HECTD2: variants seen among roughly 807,000 people sequenced by gnomAD.
HECTD2 encodes probable E3 ubiquitin-protein ligase HECTD2.
In HECTD2, 35 loss-of-function variants were observed where a neutral mutation model predicts 103.2. The observed-to-expected ratio is 0.34, with a 90% confidence interval of 0.26 to 0.45. The LOEUF (loss-of-function observed/expected upper bound fraction) is 0.45. Among genes scored for constraint, HECTD2 ranks in the 20% least tolerant of loss-of-function variants. HECTD2 has a pLI of 1.00. For missense variants in HECTD2, 596 were observed against 937.4 expected, an observed-to-expected ratio of 0.64 and a Z score of 4.76; for synonymous variants, 281 against 329.9, an observed-to-expected ratio of 0.85 and a Z score of 1.61.
intron 14 of HECTD2, among the ~76,000 whole-genome samples, chr10:91,494,765 A>C (rs138219455): frequency 1.3e-5 from 2 of 152,172 alleles, no homozygotes; most frequent in African/African-American, 4.8e-5. Flanking sequence ...TCTTCATTGA[A>C]GGGCCTAATC....
intron 20 of HECTD2, among the ~76,000 whole-genome samples, chr10:91,508,742 A>T (rs888678512): frequency 1.3e-5 from 2 of 150,898 alleles, no homozygotes; most frequent in Admixed American, 6.6e-5. Flanking sequence ...TAGAACTAGA[A>T]ATACCATTTG....
chr10:91,507,610 G>T (rs1219232438), intron 20 of HECTD2, among the ~76,000 whole-genome samples: 1 of 149,770 alleles, frequency 6.7e-6, no homozygotes, highest in Non-Finnish European at 1.5e-5. Context: ...CGCTGCTCAA[G>T]GAAATAAAAG....
intron 1 of HECTD2, among the ~76,000 whole-genome samples, chr10:91,419,589 G>A (rs1268921070): frequency 6.6e-6 from 1 of 152,100 alleles, no homozygotes; most frequent in Non-Finnish European, 1.5e-5. Context: ...AACGTTTATT[G>A]AATTCGAGTT....
chr10:91,486,025 A>C (rs1846254313), intron 10 of HECTD2: 1 of 152,160 alleles, frequency 6.6e-6, no homozygotes, highest in Non-Finnish European at 1.5e-5. Flanking sequence ...TAAACTAGCA[A>C]GACTATTCCA....
intron 1 of HECTD2, among the ~76,000 whole-genome samples, chr10:91,423,297 A>G (rs186499376): frequency 1.0e-3 from 156 of 152,244 alleles, no homozygotes; most frequent in Non-Finnish European, 1.8e-3. Context: ...TGGAAATTCA[A>G]TTTCCCCATC....
chr10:91,467,069 G>A (rs1350940263), intron 5 of HECTD2, among the ~76,000 whole-genome samples: 1 of 152,020 alleles, frequency 6.6e-6, no homozygotes, highest in Non-Finnish European at 1.5e-5. Flanking sequence ...CACAGAAGCT[G>A]AGCTGAAGGG....
chr10:91,500,395 A>C, intron 18 of HECTD2, 107 bp from the exon 19 acceptor site: 1 of 387,086 alleles, frequency 2.6e-6, no homozygotes. Context: ...GGTTTGATTT[A>C]CTATGAGAAA....
At chr10:91,484,270 A>G (rs1465176338) in intron 8 of HECTD2, 2 of 947,602 alleles carry the variant, frequency 2.1e-6, no homozygotes, top group East Asian at 2.7e-5. Flanking sequence ...GAATATTGAA[A>G]GTCTTTAAAA....
At chr10:91,457,413 T>C (rs912727033) in intron 2 of HECTD2, among the ~76,000 whole-genome samples, 2 of 152,024 alleles carry the variant, frequency 1.3e-5, no homozygotes, top group Non-Finnish European at 2.9e-5. Context: ...GCAGAAGTCC[T>C]TGACAAAATA....
intron 5 of HECTD2, among the ~76,000 whole-genome samples, chr10:91,465,022 T>G (rs1417309254): frequency 2.0e-5 from 3 of 152,254 alleles, no homozygotes; most frequent in East Asian, 3.8e-4. Context: ...CATAGTAGTT[T>G]AACTATATAA....
At chr10:91,477,970 A>G (rs1346666926) in intron 5 of HECTD2, among the ~76,000 whole-genome samples, 1 of 152,138 alleles carries the variant, frequency 6.6e-6, no homozygotes, top group East Asian at 1.9e-4. Context: ...CCACCACCAT[A>G]TATGTTTGTG....
At chr10:91,437,079 A>C (rs751277265) in intron 2 of HECTD2, among the ~76,000 whole-genome samples, 7 of 152,064 alleles carry the variant, frequency 4.6e-5, no homozygotes, top group Non-Finnish European at 1.0e-4. Context: ...CTGTTTATAC[A>C]TGTTCCAGTA....
Position 91,481,117 on chromosome 10 carries a change from G to C in HECTD2, c.689G>C (p.Arg230Thr). 1 of 1,528,676 alleles carries C rather than the reference G, an allele frequency of 6.5e-7. No individual in the cohort carries two copies. Among genetic ancestry groups the C allele is most frequent in the Non-Finnish European group, 8.9e-7 (1 of 1,120,798 alleles). 94.7% of individuals were successfully genotyped at this position (1,528,676 alleles called of 1,614,324 possible). A position where few individuals can be genotyped will look rare whatever the true frequency, so the allele number is the denominator to read the frequency against. ...AGTCCACGAACAAAAGATGATCTTA[G>C]AGCATATTTTATACTTTTACAGGTA... ...WKGPRTKDDL[R>T]AYFILLQNPQ... is the part of the protein sequence containing the mutation. Residue 230 changes from arginine to threonine, a missense_variant, in exon 7 of 21, where the codon AGA (arginine) becomes ACA (threonine). Around this residue, in one of 4 missense-constraint regions of HECTD2, gnomAD observed 303 missense variants for 522.5 expected, o/e 0.58. Coordinates refer to ENST00000298068, the MANE Select transcript of HECTD2 (RefSeq NM_182765.6).
chr10:91,420,515 G>C (rs947130273), intron 1 of HECTD2, among the ~76,000 whole-genome samples: 8 of 151,642 alleles, frequency 5.3e-5, no homozygotes, highest in African/African-American at 1.9e-4. Context: ...GTAGAACCAG[G>C]AGGCAGAGGT....
Position 91,487,589 on chromosome 10 carries a change from T to A in HECTD2, c.1095-93T>A, listed in dbSNP as rs941092913. On this transcript the variant is annotated intron_variant, in intron 10 of 20. Coordinates refer to ENST00000298068, the MANE Select transcript of HECTD2 (RefSeq NM_182765.6). The surrounding 1 kb of genome is among the most constrained non-coding windows in gnomAD (Gnocchi z 4.1). ...TAAAACACAATCCAAAAGTAATGTT[T>A]TATATTGCTACAAGGGGTACCTTAG... 2 of 809,050 alleles carry A rather than the reference T, an allele frequency of 2.5e-6. No homozygotes were observed. Among genetic ancestry groups the A allele is most frequent in the Non-Finnish European group, 4.4e-6 (2 of 449,800 alleles). 50.1% of individuals were successfully genotyped at this position (809,050 alleles called of 1,614,324 possible). A position where few individuals can be genotyped will look rare whatever the true frequency, so the allele number is the denominator to read the frequency against.
chr10:91,443,552 T>C (rs1844456391), intron 2 of HECTD2, among the ~76,000 whole-genome samples: 2 of 152,166 alleles, frequency 1.3e-5, no homozygotes, highest in South Asian at 2.1e-4. Context: ...TCAGGACACA[T>C]GGGTGTCAGG....
At chr10:91,410,702 A>C in intron 1 of HECTD2, 126 bp downstream of exon 1, 1 of 858,318 alleles carries the variant, frequency 1.2e-6, no homozygotes, top group Non-Finnish European at 1.6e-6. Context: ...AGGGAGACGC[A>C]CTCAGGCCGC....
intron 6 of HECTD2, among the ~76,000 whole-genome samples, chr10:91,478,530 A>G (rs1845986725): frequency 6.6e-6 from 1 of 152,212 alleles, no homozygotes; most frequent in South Asian, 2.1e-4. Flanking sequence ...ATGCAGATAT[A>G]TATGCTTAAC....
chr10:91,424,971 G>T (rs778853704), intron 1 of HECTD2, among the ~76,000 whole-genome samples: 3 of 152,074 alleles, frequency 2.0e-5, no homozygotes, highest in Non-Finnish European at 2.9e-5. Flanking sequence ...TTAATGGAGG[G>T]TGTATAATGT....
Sources: allele counts gnomAD v4.1 joint callset (sites outside exome capture counted in the v4.1 genomes callset), GRCh38; gene constraint gnomAD v4.1.1; regional missense constraint gnomAD v4.1.1; non-coding constraint Gnocchi (gnomAD v3.1); transcripts MANE v1.5; gene names NCBI Gene and HGNC (gene_info 2026-07-23, HGNC 2026-07-21).